Variants in SNTG2 observed in about 807,000 individuals in gnomAD.
SNTG2 encodes the protein syntrophin gamma 2.
A neutral mutation model predicts 70.9 loss-of-function variants in SNTG2; 74 were observed. The observed-to-expected ratio is 1.04, with a 90% confidence interval of 0.86 to 1.27. SNTG2 has a LOEUF of 1.27. SNTG2 is among the 50% of genes most tolerant of loss of function. The probability of loss-of-function intolerance (pLI) is 0.00; values close to 1 mark genes in which losing one functional copy is unlikely to be tolerated. For synonymous variants in SNTG2, 278 were observed against 273.8 expected (o/e 1.02, Z -0.15); for missense variants, 717 against 690.7 (o/e 1.04, Z -0.43).
At chr2:1,265,535 A>G (rs969093105) in intron 13 of SNTG2, among the ~76,000 whole-genome samples, 27 of 152,238 alleles carry the variant, frequency 1.8e-4, no homozygotes, top group African/African-American at 6.0e-4. Flanking sequence ...CTGCAGAGCC[A>G]TCTGCGGGGC....
At chr2:992,467 A>G (rs1049566494) in intron 1 of SNTG2, among the ~76,000 whole-genome samples, 1 of 129,236 alleles carries the variant, frequency 7.7e-6, no homozygotes, top group African/African-American at 2.7e-5. Flanking sequence ...CAAGAATTTC[A>G]AAAATAAATG....
intron 14 of SNTG2, among the ~76,000 whole-genome samples, chr2:1,277,933 C>G (rs1679335018): frequency 6.6e-6 from 1 of 152,236 alleles, no homozygotes; most frequent in Admixed American, 6.5e-5. Flanking sequence ...TCCATCCTCT[C>G]TGGAAAGGCG....
intron 14 of SNTG2, among the ~76,000 whole-genome samples, chr2:1,275,164 G>A (rs558937763): frequency 4.6e-5 from 7 of 152,298 alleles, no homozygotes; most frequent in Non-Finnish European, 7.4e-5. Flanking sequence ...CCACCAGGGC[G>A]GAGCCATCAT....
chr2:1,040,453 G>A (rs1661373140), intron 1 of SNTG2, among the ~76,000 whole-genome samples: 1 of 152,028 alleles, frequency 6.6e-6, no homozygotes, highest in Non-Finnish European at 1.5e-5. Flanking sequence ...TCAGTACCTT[G>A]CCCTGTCCAG....
At chr2:1,230,685 A>G (rs1238322929) in intron 9 of SNTG2, among the ~76,000 whole-genome samples, 1 of 152,240 alleles carries the variant, frequency 6.6e-6, no homozygotes, top group East Asian at 1.9e-4. Flanking sequence ...CGGATAGCAC[A>G]GTGCCCTGGT....
intron 9 of SNTG2, among the ~76,000 whole-genome samples, chr2:1,222,560 GGT>G (rs1675372484): frequency 7.1e-5 from 4 of 56,118 alleles, no homozygotes; most frequent in Non-Finnish European, 1.1e-4. Context: ...AGAGGAAAGC[GGT>G]GCAGTGATGG....
At chr2:1,208,501 T>C (rs764858419) in intron 8 of SNTG2, among the ~76,000 whole-genome samples, 5 of 152,274 alleles carry the variant, frequency 3.3e-5, no homozygotes, top group Non-Finnish European at 4.4e-5. Flanking sequence ...TCCGACCCTT[T>C]CGTTGTTGGA....
At chr2:1,175,819 C>T (rs58923894) in intron 8 of SNTG2, among the ~76,000 whole-genome samples, 7,601 of 152,234 alleles carry the variant, frequency 0.05, 294 homozygotes, top group East Asian at 0.21. Flanking sequence ...GAAGGAGACA[C>T]AGAGCATGGG....
intron 1 of SNTG2, among the ~76,000 whole-genome samples, chr2:994,596 G>A (rs373573459): frequency 6.6e-6 from 1 of 152,002 alleles, no homozygotes; most frequent in Admixed American, 6.6e-5. Flanking sequence ...GATAGACATT[G>A]TATTGAATCT....
intron 1 of SNTG2, among the ~76,000 whole-genome samples, chr2:1,081,422 T>C (rs1256964408): frequency 6.6e-6 from 1 of 152,248 alleles, no homozygotes; most frequent in Admixed American, 6.5e-5. Context: ...TGTTCACTTA[T>C]AAGAGTTACA....
At chr2:1,028,053 A>G (rs1381655104) in intron 1 of SNTG2, among the ~76,000 whole-genome samples, 1 of 151,252 alleles carries the variant, frequency 6.6e-6, no homozygotes, top group African/African-American at 2.4e-5. Context: ...GTAAAGAGAT[A>G]AGCAGGTGCA....
chr2:1,092,103 G>A (rs977126749), intron 2 of SNTG2, among the ~76,000 whole-genome samples: 38 of 152,214 alleles, frequency 2.5e-4, no homozygotes, highest in Admixed American at 2.4e-3. Flanking sequence ...CCAGGGCGAA[G>A]TCTGTTAGCA....
At chr2:1,159,265 A>ATGTGTGTGCATG (rs1670119825) in intron 6 of SNTG2, 1 of 151,124 alleles carries the variant, frequency 6.6e-6, no homozygotes, top group African/African-American at 2.5e-5. Context: ...GTGTGTGTGC[A>ATGTGTGTGCATG]TGTGTGTGTA....
At chr2:1,218,059 C>G (rs1166532871) in intron 9 of SNTG2, among the ~76,000 whole-genome samples, 1 of 152,022 alleles carries the variant, frequency 6.6e-6, no homozygotes, top group Non-Finnish European at 1.5e-5. Flanking sequence ...CAGTTCCCCA[C>G]CTTTGTCAGC....
intron 1 of SNTG2, among the ~76,000 whole-genome samples, chr2:1,008,268 G>A (rs1659629645): frequency 6.6e-6 from 1 of 152,162 alleles, no homozygotes; most frequent in African/African-American, 2.4e-5. Context: ...CATTTCGAAT[G>A]TGTGTTTGTA....
chr2:1,252,970 G>C (rs1677851498), intron 12 of SNTG2, among the ~76,000 whole-genome samples: 1 of 152,174 alleles, frequency 6.6e-6, no homozygotes, highest in Non-Finnish European at 1.5e-5. Context: ...CAATTTGCCA[G>C]TAGCAGTCTT....
At chr2:952,783 A>G (rs1049701886) in intron 1 of SNTG2, among the ~76,000 whole-genome samples, 2 of 152,234 alleles carry the variant, frequency 1.3e-5, no homozygotes, top group Non-Finnish European at 2.9e-5. Flanking sequence ...ACACCAGTGC[A>G]TGGTCATGTT....
intron 1 of SNTG2, among the ~76,000 whole-genome samples, chr2:1,025,634 C>A (rs573563306): frequency 1.3e-5 from 2 of 152,202 alleles, no homozygotes; most frequent in African/African-American, 2.4e-5. Flanking sequence ...ATCTTCACAT[C>A]ATCTTCACAG....
Position 1,083,555 on chromosome 2 carries a change from C to A in SNTG2, c.110C>A (p.Ser37Tyr), listed in dbSNP as rs1373213422. 1 of 1,613,720 alleles carries A rather than the reference C, an allele frequency of 6.2e-7. No homozygotes were observed. The highest frequency in any genetic ancestry group is 1.7e-5 in the Admixed American group (1 of 60,004). Reference protein sequence around the residue: ...TTIALLYDEESENAYDIRLKL... With the variant: ...TTIALLYDEEYENAYDIRLKL... ...ATTGCTCTGTTGTATGATGAAGAGT[C>A]CGAAAATGCCTATGACATCCGGCTG... Residue 37 changes from serine to tyrosine, a missense_variant, in exon 2 of 17, where the codon TCC (serine) becomes TAC (tyrosine). Physicochemically the swap from Ser to Tyr is moderately radical, Grantham distance 144. Transcript: ENST00000308624.
Sources: allele counts gnomAD v4.1 joint callset (sites outside exome capture counted in the v4.1 genomes callset), GRCh38; gene constraint gnomAD v4.1.1; transcripts MANE v1.5; gene names NCBI Gene and HGNC (gene_info 2026-07-23, HGNC 2026-07-21).